AP1M1: variants seen among roughly 807,000 people sequenced by gnomAD.
AP1M1 encodes the protein adaptor related protein complex 1 subunit mu 1.
In AP1M1, 18 loss-of-function variants were observed where a neutral mutation model predicts 57.1. The ratio of observed to expected loss-of-function variants is 0.32; its 90% CI spans 0.22 to 0.47. The LOEUF (loss-of-function observed/expected upper bound fraction) is 0.47, where lower values mean the gene tolerates loss of function less well. Among genes scored for constraint, AP1M1 ranks in the 20% least tolerant of loss-of-function variants. The pLI, the probability that AP1M1 is intolerant of heterozygous loss-of-function variation, is 1.00. For missense variants in AP1M1, 362 were observed against 593.5 expected, an observed-to-expected ratio of 0.61 and a Z score of 4.05; for synonymous variants, 241 against 237.9, an observed-to-expected ratio of 1.01 and a Z score of -0.12.
At position 16,209,962 on chromosome 19, in the gene AP1M1, G is replaced by A. The variant is rs141696130; in HGVS notation, c.546+785G>A. ...CAGAACCTCAAAACCTCCTCATGTTGCCCCTTTGTAGCTCCATGCTCCCCT... is the reference window on the plus strand; with the variant it reads ...CAGAACCTCAAAACCTCCTCATGTTACCCCTTTGTAGCTCCATGCTCCCCT... On this transcript the variant is annotated intron_variant, in intron 5 of 11. Coordinates refer to ENST00000291439, the MANE Select transcript of AP1M1 (RefSeq NM_032493.4). 2.5e-3 allele frequency among the ~76,000 whole-genome samples: 375 copies of A among 152,218 alleles called. 2 individuals are homozygous for A. The highest frequency in any genetic ancestry group is 8.8e-3 in the African/African-American group (364 of 41,518).
intron 5 of AP1M1, among the ~76,000 whole-genome samples, chr19:16,216,018 G>A (rs1001329411): frequency 1.3e-5 from 2 of 152,076 alleles, no homozygotes; most frequent in Admixed American, 1.3e-4. Flanking sequence ...GCTGTATCAG[G>A]TCAGTTACAT....
In AP1M1 at chr19:16,238,131, C is replaced by G. The variant is rs184077809; in HGVS notation, c.*3696C>G. The G allele has an allele frequency of 6.6e-6, 1 of 152,064 alleles. No individual in the cohort carries two copies. The highest frequency in any genetic ancestry group is 1.5e-5 in the Non-Finnish European group (1 of 68,032). 9.4% of individuals were successfully genotyped at this position (152,064 alleles called of 1,614,324 possible). A position where few individuals can be genotyped will look rare whatever the true frequency, so the allele number is the denominator to read the frequency against. On this transcript the variant is annotated 3_prime_UTR_variant, in exon 12 of 12. Transcript: ENST00000291439. ...CTGGGATTACAGGCGTGAGCCACCT[C>G]GCCACGCCTCCTGAACATCTAGAAC...
chr19:16,222,380 A>T (rs980447631), intron 5 of AP1M1, among the ~76,000 whole-genome samples: 21 of 147,024 alleles, frequency 1.4e-4, no homozygotes, highest in East Asian at 1.2e-3. Context: ...GCTAATTTTT[A>T]AAAAAAAATT....
At chr19:16,229,566 C>A (rs2091587059) in intron 9 of AP1M1, among the ~76,000 whole-genome samples, 1 of 152,208 alleles carries the variant, frequency 6.6e-6, no homozygotes, top group Admixed American at 6.5e-5. Flanking sequence ...GCGCTGCTTT[C>A]CATGTTCTCC....
At chr19:16,230,432 G>A (rs569459878) in intron 9 of AP1M1, among the ~76,000 whole-genome samples, 11 of 141,432 alleles carry the variant, frequency 7.8e-5, no homozygotes, top group African/African-American at 2.3e-4. Context: ...ACGGAGTCTC[G>A]CTCTGTCGCC....
chr19:16,202,272 G>A (rs1281936493), intron 1 of AP1M1, among the ~76,000 whole-genome samples: 1 of 152,214 alleles, frequency 6.6e-6, no homozygotes, highest in Non-Finnish European at 1.5e-5. Context: ...GCATGTTGCT[G>A]AGTCCTGCAG....
rs1389686756 is a variant in AP1M1, at chr19:16,201,737, T to C, written c.43-1722T>C. ...GAGGAGGTGTTATTTGAGCTGAGGCTTGAGAAATGAGAAGAGCCAGGTCAG... is the reference window on the plus strand; with the variant it reads ...GAGGAGGTGTTATTTGAGCTGAGGCCTGAGAAATGAGAAGAGCCAGGTCAG... On this transcript the variant is annotated intron_variant, in intron 1 of 11. Transcript: ENST00000291439. Among the ~76,000 whole-genome samples the C allele has an allele frequency of 2.0e-5, 3 of 152,180 alleles. No homozygotes were observed. In the East Asian group the frequency reaches 5.8e-4, roughly 29 times the overall value.
intron 5 of AP1M1, among the ~76,000 whole-genome samples, chr19:16,220,005 G>A (rs12609680): frequency 0.083 from 12,591 of 152,184 alleles, 779 homozygotes; most frequent in East Asian, 0.27. Context: ...AGAGATACTG[G>A]TTTGTAATTT....
chr19:16,218,963 C>A (rs1200425047), intron 5 of AP1M1, among the ~76,000 whole-genome samples: 1 of 152,044 alleles, frequency 6.6e-6, no homozygotes, highest in Non-Finnish European at 1.5e-5. Context: ...AGAGGGAGAC[C>A]ATTAAGTCTT....
intron 5 of AP1M1, among the ~76,000 whole-genome samples, chr19:16,211,115 G>C (rs1253241032): frequency 3.0e-5 from 4 of 134,588 alleles, no homozygotes; most frequent in Admixed American, 7.7e-5. Flanking sequence ...TTTTTTTTTC[G>C]ACAGAGTCTC....
intron 5 of AP1M1, among the ~76,000 whole-genome samples, chr19:16,225,559 G>T (rs925366037): frequency 6.6e-6 from 1 of 152,182 alleles, no homozygotes; most frequent in South Asian, 2.1e-4. Flanking sequence ...CAGGACCGTC[G>T]CCCCGGTGTG....
Position 16,206,522 on chromosome 19 carries a change from TGGGGCTGGAAGCC to T in AP1M1, c.267+115_267+127del, listed in dbSNP as rs2091470201. 159 of 1,139,120 alleles carry T rather than the reference TGGGGCTGGAAGCC, an allele frequency of 1.4e-4. No individual in the cohort carries two copies. The highest frequency in any genetic ancestry group is 2.0e-4 in the Non-Finnish European group (159 of 775,880). 70.6% of individuals were successfully genotyped at this position (1,139,120 alleles called of 1,614,324 possible). The stretch of plus-strand genomic sequence containing the variant: ...GAGCTGTGGCATCCCCAGGGAGCAC[TGGGGCTGGAAGCC>T]CAGGAAGTGGGAAAGGGGAGTCCCA... On this transcript the variant is annotated intron_variant, in intron 3 of 11. Transcript: ENST00000291439. The surrounding 1 kb of genome is among the most constrained non-coding windows in gnomAD (Gnocchi z 4.3).
chr19:16,232,962 A>ATC (rs2145143881), intron 9 of AP1M1, among the ~76,000 whole-genome samples: 2 of 152,340 alleles, frequency 1.3e-5, no homozygotes, highest in South Asian at 4.1e-4. Context: ...CCAGGGCTGA[A>ATC]TCGTCACTCA....
rs1225215606 is a variant in AP1M1 at position 16,234,253 on chromosome 19, C to T, written c.1228C>T (p.Arg410Cys). The change falls in exon 11 of 12, where the codon CGT becomes TGT. Residue 410 changes from arginine (R) to cysteine (C), a missense_variant. By Grantham distance (180) the Arg-to-Cys change is radical (BLOSUM62 -3). Coordinates refer to ENST00000291439, the MANE Select transcript of AP1M1 (RefSeq NM_032493.4). Reference protein sequence around the residue: ...KSGYQALPWVRYITQNGDYQL... With the variant: ...KSGYQALPWVCYITQNGDYQL... ...TGGGTACCAGGCCCTGCCCTGGGTGCGTTATATCACGCAGAATGGAGGTGA... is the reference window on the plus strand; with the variant it reads ...TGGGTACCAGGCCCTGCCCTGGGTGTGTTATATCACGCAGAATGGAGGTGA... The T allele has an allele frequency of 6.2e-7, 1 of 1,613,858 alleles. No homozygotes were observed. Among genetic ancestry groups the T allele is most frequent in the Non-Finnish European group, 8.5e-7 (1 of 1,179,864 alleles).
intron 5 of AP1M1, among the ~76,000 whole-genome samples, chr19:16,215,559 G>C (rs1392387734): frequency 6.7e-6 from 1 of 149,634 alleles, no homozygotes. Flanking sequence ...CCCACTGCTA[G>C]TCTGATGGGC....
At chr19:16,211,761 A>G (rs1225364460) in intron 5 of AP1M1, among the ~76,000 whole-genome samples, 1 of 152,102 alleles carries the variant, frequency 6.6e-6, no homozygotes, top group Non-Finnish European at 1.5e-5. Flanking sequence ...AAAAAAAACA[A>G]AAAACAAAAC....
rs143519787 is a variant in AP1M1, at chr19:16,209,037, A to T, written c.406A>T (p.Thr136Ser). The T allele has an allele frequency of 1.2e-6, 2 of 1,613,498 alleles. No individual in the cohort carries two copies. The highest frequency in any genetic ancestry group is 1.7e-6 in the Non-Finnish European group (2 of 1,179,764). The change falls in exon 5 of 12, where the codon ACT becomes TCT. Residue 136 changes from threonine (T) to serine (S), a missense_variant. Around this residue, in one of 2 missense-constraint regions of AP1M1, gnomAD observed 337 missense variants for 511.1 expected, o/e 0.66. Transcript: ENST00000291439. ...GAGCGTGTGGCCCCACAGGTACATC[A>T]CTCAGGAAGGCCACAAGCTGGAAAC... Reference protein sequence around the residue: ...TDSKILQEYITQEGHKLETGA... With the variant: ...TDSKILQEYISQEGHKLETGA...
chr19:16,207,681 C>T lies in AP1M1; in HGVS notation c.268-338C>T, dbSNP rs1378011184. Among the ~76,000 whole-genome samples, 1 of 152,158 alleles carries T rather than the reference C, an allele frequency of 6.6e-6. No homozygotes were observed. Among genetic ancestry groups the T allele is most frequent in the East Asian group, 1.9e-4 (1 of 5,196 alleles). ...AGATGGCAGCTCATCAGGTCCTTGCCTGAGTCACTCCAGACTCAGAAAGGG... is the reference window on the plus strand; with the variant it reads ...AGATGGCAGCTCATCAGGTCCTTGCTTGAGTCACTCCAGACTCAGAAAGGG... On this transcript the variant is annotated intron_variant, in intron 3 of 11. Transcript: ENST00000291439. This position sits in a 1 kb window ranked among gnomAD's most constrained non-coding sequence, Gnocchi z 4.2.
intron 1 of AP1M1, among the ~76,000 whole-genome samples, chr19:16,199,381 T>C (rs2091438104): frequency 6.6e-6 from 1 of 152,308 alleles, no homozygotes; most frequent in Admixed American, 6.5e-5. Flanking sequence ...CTTTTAGAAA[T>C]GGTCCTCTGC....
Sources: gnomAD v4.1 joint callset for allele counts (sites outside exome capture counted in the v4.1 genomes callset) on GRCh38, gnomAD v4.1.1 for gene constraint, gnomAD v4.1.1 regional missense constraint, Gnocchi (gnomAD v3.1) non-coding constraint, MANE v1.5 for transcripts, NCBI Gene and HGNC (gene_info 2026-07-23, HGNC 2026-07-21) for gene names.